The following ASAP1 variants were observed in gnomAD, a reference collection of about 807,000 sequenced individuals.
ASAP1 encodes arf-GAP with SH3 domain, ANK repeat and PH domain-containing protein 1.
In ASAP1, 43 loss-of-function variants were observed where a neutral mutation model predicts 145.2. The ratio of observed to expected loss-of-function variants is 0.30; its 90% CI spans 0.23 to 0.38. The LOEUF is 0.38. Among genes scored for constraint, ASAP1 ranks in the 10% least tolerant of loss-of-function variants. ASAP1 has a pLI of 1.00. For missense variants in ASAP1, 1,018 were observed against 1,355.3 expected, an observed-to-expected ratio of 0.75 and a Z score of 3.91; for synonymous variants, 546 against 515.5, an observed-to-expected ratio of 1.06 and a Z score of -0.80.
At chr8:130,373,941 T>C (rs1373030715) in intron 2 of ASAP1, among the ~76,000 whole-genome samples, 1 of 148,212 alleles carries the variant, frequency 6.7e-6, no homozygotes, top group African/African-American at 2.5e-5. Flanking sequence ...TGGATGCAGA[T>C]CTTTATAAGA....
chr8:130,254,964 C>T (rs907507059), intron 3 of ASAP1, among the ~76,000 whole-genome samples: 3 of 152,166 alleles, frequency 2.0e-5, no homozygotes, highest in African/African-American at 7.2e-5. Flanking sequence ...ATTTCCCCAA[C>T]TGCCAAAATA....
At chr8:130,248,744 T>C (rs1819010597) in intron 3 of ASAP1, among the ~76,000 whole-genome samples, 1 of 152,110 alleles carries the variant, frequency 6.6e-6, no homozygotes, top group Non-Finnish European at 1.5e-5. Flanking sequence ...CACTTCCTCC[T>C]CTGGGACCAC....
intron 13 of ASAP1, among the ~76,000 whole-genome samples, chr8:130,142,880 T>TG (rs571026922): frequency 2.7e-5 from 4 of 145,804 alleles, no homozygotes; most frequent in Non-Finnish European, 6.0e-5. Context: ...GGTGGGGTGG[T>TG]GGGGGGGCAG....
Position 130,124,058 on chromosome 8 carries a change from G to C in ASAP1, c.1562C>G (p.Ala521Gly). ...TTTTGGTGAGGGGCTGGGTAAATTT[G>C]CTTCCATAATATCATTAAAACTATT... ...GNNSFNDIME[A>G]NLPSPSPKPT... Residue 521 changes from alanine (A) to glycine (G), a missense_variant, in exon 18 of 30, where the codon GCA becomes GGA. By Grantham distance (60) the Ala-to-Gly change is moderately conservative. This residue lies in a region of ASAP1 where 153 missense variants were observed against 221.6 expected (regional missense o/e 0.69). Coordinates refer to ENST00000518721, the MANE Select transcript of ASAP1 (RefSeq NM_018482.4). 6.2e-7 allele frequency: 1 copy of C among 1,607,686 alleles called. No homozygotes were observed. Among genetic ancestry groups the C allele is most frequent in the Non-Finnish European group, 8.5e-7 (1 of 1,178,460 alleles).
Position 130,134,361 on chromosome 8 carries a change from G to T in ASAP1, c.1169-17C>A. 6.6e-7 allele frequency: 1 copy of T among 1,505,396 alleles called. No individual in the cohort carries two copies. The allele number at this position is 1,505,396 out of a possible 1,614,324, so 93.3% of individuals were successfully genotyped here. On this transcript the variant is annotated splice_polypyrimidine_tract_variant and intron_variant, in intron 14 of 29. Coordinates refer to ENST00000518721, the MANE Select transcript of ASAP1 (RefSeq NM_018482.4). The stretch of plus-strand genomic sequence containing the variant: ...TTCTATTATCTAAAATAAAAAAAAA[G>T]AAAAATAAGTGAAACCTTAGAAAGC...
chr8:130,264,626 T>C (rs1387905294), intron 3 of ASAP1, among the ~76,000 whole-genome samples: 1 of 152,202 alleles, frequency 6.6e-6, no homozygotes, highest in Non-Finnish European at 1.5e-5. Flanking sequence ...TTACCAGATA[T>C]TCACGCACAA....
At chr8:130,268,743 G>A (rs1253025765) in intron 3 of ASAP1, among the ~76,000 whole-genome samples, 1 of 152,172 alleles carries the variant, frequency 6.6e-6, no homozygotes, top group Non-Finnish European at 1.5e-5. Flanking sequence ...ATTGTTGCAT[G>A]ATATACTACA....
chr8:130,252,446 T>TA (rs1166465321), intron 3 of ASAP1, among the ~76,000 whole-genome samples: 20 of 152,304 alleles, frequency 1.3e-4, no homozygotes, highest in African/African-American at 4.6e-4. Context: ...CAGTGTCTTA[T>TA]AATACATGCA....
intron 1 of ASAP1, among the ~76,000 whole-genome samples, chr8:130,429,667 T>G (rs1830069526): frequency 6.6e-6 from 1 of 152,180 alleles, no homozygotes; most frequent in Non-Finnish European, 1.5e-5. Flanking sequence ...CTTAACACTA[T>G]TACTTTCTTC....
intron 3 of ASAP1, among the ~76,000 whole-genome samples, chr8:130,340,038 T>A (rs1169099491): frequency 6.6e-6 from 1 of 152,240 alleles, no homozygotes; most frequent in Non-Finnish European, 1.5e-5. Context: ...TTCATTCTAC[T>A]GGGTCGCAGG....
chr8:130,345,885 A>T (rs1319271338), intron 3 of ASAP1, among the ~76,000 whole-genome samples: 5 of 152,234 alleles, frequency 3.3e-5, no homozygotes, highest in Non-Finnish European at 7.4e-5. Flanking sequence ...CAGGTTGCAG[A>T]CACCAAAAGG....
At chr8:130,334,602 G>A (rs953586061) in intron 3 of ASAP1, among the ~76,000 whole-genome samples, 2 of 152,208 alleles carry the variant, frequency 1.3e-5, no homozygotes, top group African/African-American at 2.4e-5. Flanking sequence ...GCTGTAGCAT[G>A]TAACAGAATA....
chr8:130,202,815 C>T (rs1268281809), intron 5 of ASAP1, among the ~76,000 whole-genome samples: 1 of 152,148 alleles, frequency 6.6e-6, no homozygotes, highest in African/African-American at 2.4e-5. Context: ...CAAGCTATTT[C>T]TGCCAATTTT....
intron 26 of ASAP1, among the ~76,000 whole-genome samples, chr8:130,076,993 T>G (rs1013283250): frequency 6.6e-6 from 1 of 152,194 alleles, no homozygotes; most frequent in African/African-American, 2.4e-5. Context: ...CCCAATGTAG[T>G]GCACAGAAGT....
At chr8:130,313,020 T>C (rs1823453272) in intron 3 of ASAP1, among the ~76,000 whole-genome samples, 1 of 152,226 alleles carries the variant, frequency 6.6e-6, no homozygotes, top group Admixed American at 6.5e-5. Context: ...AGCATGCACA[T>C]ACCTGTTCAT....
chr8:130,203,407 T>C (rs762129228), intron 5 of ASAP1, among the ~76,000 whole-genome samples: 1 of 152,140 alleles, frequency 6.6e-6, no homozygotes, highest in Non-Finnish European at 1.5e-5. Flanking sequence ...CTAACCCGTG[T>C]TTCCCGGTGC....
chr8:130,315,186 T>C (rs1242933961), intron 3 of ASAP1, among the ~76,000 whole-genome samples: 1 of 152,132 alleles, frequency 6.6e-6, no homozygotes, highest in East Asian at 1.9e-4. Flanking sequence ...AGGAAAATAG[T>C]AGGCAGTCCC....
intron 13 of ASAP1, among the ~76,000 whole-genome samples, chr8:130,141,796 C>T (rs953794835): frequency 2.0e-5 from 3 of 152,190 alleles, no homozygotes; most frequent in African/African-American, 4.8e-5. Context: ...TGGCTCACTG[C>T]AGCCTTGAAC....
chr8:130,340,723 CT>C (rs1270650813), intron 3 of ASAP1: 1 of 298,710 alleles, frequency 3.3e-6, no homozygotes, highest in Non-Finnish European at 6.9e-6. Flanking sequence ...ATTTATTGAT[CT>C]TCTCTAAGCA....
Sources: gnomAD v4.1 joint callset for allele counts (sites outside exome capture counted in the v4.1 genomes callset) on GRCh38, gnomAD v4.1.1 for gene constraint, gnomAD v4.1.1 regional missense constraint, MANE v1.5 for transcripts, NCBI Gene and HGNC (gene_info 2026-07-23, HGNC 2026-07-21) for gene names.